The following PPM1L variants were observed in gnomAD, a reference collection of about 807,000 sequenced individuals.
The protein encoded by PPM1L is protein phosphatase 1L.
In PPM1L, 13 loss-of-function variants were observed where a neutral mutation model predicts 31.4. The ratio of observed to expected loss-of-function variants is 0.41; its 90% CI spans 0.27 to 0.66. The LOEUF (loss-of-function observed/expected upper bound fraction) is 0.66. PPM1L is among the 30% of genes least tolerant of loss of function. PPM1L has a pLI of 0.29. For synonymous variants in PPM1L, 184 were observed against 175.4 expected (o/e 1.05, Z -0.39); for missense variants, 326 against 453.7 (o/e 0.72, Z 2.56).
chr3:160,834,695 G>T (rs1299808851), intron 1 of PPM1L, among the ~76,000 whole-genome samples: 1 of 152,044 alleles, frequency 6.6e-6, no homozygotes, highest in Non-Finnish European at 1.5e-5. Flanking sequence ...TTTTGAGATT[G>T]ACTCTTTTGC....
chr3:160,968,635 G>T (rs1716228500), intron 2 of PPM1L, among the ~76,000 whole-genome samples: 1 of 152,144 alleles, frequency 6.6e-6, no homozygotes, highest in Non-Finnish European at 1.5e-5. Flanking sequence ...TTAAGGATAT[G>T]GTTTGTAATG....
intron 1 of PPM1L, among the ~76,000 whole-genome samples, chr3:160,883,041 C>G (rs1165351001): frequency 6.6e-6 from 1 of 152,178 alleles, no homozygotes; most frequent in Non-Finnish European, 1.5e-5. Flanking sequence ...ACGTAACTCC[C>G]TCATTAAATG....
Position 161,075,452 on chromosome 3 carries a change from C to T in PPM1L, c.*6295C>T, listed in dbSNP as rs1268787542. 6.6e-6 allele frequency: 1 copy of T among 152,136 alleles called. No homozygotes were observed. The highest frequency in any genetic ancestry group is 2.4e-5 in the African/African-American group (1 of 41,420). 9.4% of individuals were successfully genotyped at this position (152,136 alleles called of 1,614,324 possible). ...TTCACCATTCAAAAAATGGGCTTGT[C>T]TCTTAGAGTATTGGTTAATGCTTTG... On this transcript the variant is annotated 3_prime_UTR_variant, in exon 4 of 4. Transcript: ENST00000498165.
intron 2 of PPM1L, among the ~76,000 whole-genome samples, chr3:160,989,239 A>G (rs1330230259): frequency 6.6e-6 from 1 of 152,152 alleles, no homozygotes; most frequent in Non-Finnish European, 1.5e-5. Context: ...CTATAAAACC[A>G]ACATGATAAT....
chr3:161,008,795 G>T (rs959229464), intron 2 of PPM1L, among the ~76,000 whole-genome samples: 5 of 152,224 alleles, frequency 3.3e-5, no homozygotes, highest in African/African-American at 1.2e-4. Flanking sequence ...TTGCTGGAAT[G>T]ATATTAGGAG....
At chr3:160,857,812 C>G (rs1711764144) in intron 1 of PPM1L, among the ~76,000 whole-genome samples, 1 of 152,142 alleles carries the variant, frequency 6.6e-6, no homozygotes. Context: ...GCCCACATTC[C>G]CCAGCTAATT....
intron 1 of PPM1L, among the ~76,000 whole-genome samples, chr3:160,814,496 CATA>C (rs1712905484): frequency 7.1e-6 from 1 of 141,322 alleles, no homozygotes; most frequent in African/African-American, 2.9e-5. Flanking sequence ...CACACACACA[CATA>C]TATGTATGTG....
intron 1 of PPM1L, among the ~76,000 whole-genome samples, chr3:160,793,383 G>A (rs954593846): frequency 1.3e-5 from 2 of 152,184 alleles, no homozygotes; most frequent in Non-Finnish European, 2.9e-5. Context: ...CAGAGACAGA[G>A]TTCACTGTTG....
chr3:161,069,739 C>G lies in PPM1L; in HGVS notation c.*582C>G, dbSNP rs909627433. 1 of 153,282 alleles carries G rather than the reference C, an allele frequency of 6.5e-6. No homozygotes were observed. The highest frequency in any genetic ancestry group is 1.5e-5 in the Non-Finnish European group (1 of 68,862). The allele number at this position is 153,282 out of a possible 1,614,324, so 9.5% of individuals were successfully genotyped here. A position where few individuals can be genotyped will look rare whatever the true frequency, so the allele number is the denominator to read the frequency against. ...CTATTTTGGCTGCTCTTGGGGACTG[C>G]GAGAAGCAGAGAGAATGAGAGACCA... On this transcript the variant is annotated 3_prime_UTR_variant, in exon 4 of 4. Transcript: ENST00000498165.
At chr3:160,758,537 T>C (rs1036602171) in intron 1 of PPM1L, among the ~76,000 whole-genome samples, 20 of 152,214 alleles carry the variant, frequency 1.3e-4, no homozygotes, top group African/African-American at 4.6e-4. Flanking sequence ...GGGTTGTGGT[T>C]GTCTGGGTGT....
Position 160,897,167 on chromosome 3 carries a change from C to T in PPM1L, c.400-64569C>T, listed in dbSNP as rs141754534. On this transcript the variant is annotated intron_variant, in intron 1 of 3. Coordinates refer to ENST00000498165, the MANE Select transcript of PPM1L (RefSeq NM_139245.4). ...AAGTGATTCGCCTGCCTCAGCCTCC[C>T]GAGCAGCCAGGATTACAGGCGCCTG... Among the ~76,000 whole-genome samples the T allele has an allele frequency of 4.7e-4, 72 of 151,840 alleles. No homozygotes were observed. In the East Asian group the frequency reaches 0.011, roughly 24 times the overall value.
intron 2 of PPM1L, among the ~76,000 whole-genome samples, chr3:161,010,432 A>G (rs1231813562): frequency 6.6e-6 from 1 of 152,194 alleles, no homozygotes; most frequent in Admixed American, 6.5e-5. Flanking sequence ...ATTGTTGGAC[A>G]TTTGGGTTGG....
At chr3:160,794,408 C>A (rs571198614) in intron 1 of PPM1L, among the ~76,000 whole-genome samples, 1 of 152,228 alleles carries the variant, frequency 6.6e-6, no homozygotes, top group East Asian at 1.9e-4. Flanking sequence ...TGATAAAACT[C>A]TAGCTTCCAG....
intron 2 of PPM1L, among the ~76,000 whole-genome samples, chr3:161,064,482 T>A (rs140246015): frequency 1.0e-3 from 157 of 152,326 alleles, no homozygotes; most frequent in African/African-American, 3.6e-3. Flanking sequence ...AAGGAAACGT[T>A]AATGAAGACT....
intron 1 of PPM1L, among the ~76,000 whole-genome samples, chr3:160,877,708 C>G (rs1712565412): frequency 6.6e-6 from 1 of 152,128 alleles, no homozygotes; most frequent in Non-Finnish European, 1.5e-5. Flanking sequence ...ACAGACTGAC[C>G]TGAGGAGGTG....
At chr3:161,059,765 T>G (rs1177654737) in intron 2 of PPM1L, among the ~76,000 whole-genome samples, 1 of 152,072 alleles carries the variant, frequency 6.6e-6, no homozygotes, top group African/African-American at 2.4e-5. Flanking sequence ...TTTGTCACTG[T>G]CCTTCTTGGT....
intron 2 of PPM1L, among the ~76,000 whole-genome samples, chr3:161,000,880 A>G (rs1717459708): frequency 6.6e-6 from 1 of 152,082 alleles, no homozygotes; most frequent in Admixed American, 6.6e-5. Context: ...TCTGATTAAA[A>G]CCTCTTTAAT....
intron 2 of PPM1L, among the ~76,000 whole-genome samples, chr3:161,062,526 T>C (rs888019949): frequency 6.6e-6 from 1 of 152,240 alleles, no homozygotes; most frequent in Non-Finnish European, 1.5e-5. Flanking sequence ...CTGTTCTCAC[T>C]GCTCCCAATT....
chr3:161,006,778 G>A (rs1362682229), intron 2 of PPM1L, among the ~76,000 whole-genome samples: 5 of 150,856 alleles, frequency 3.3e-5, no homozygotes, highest in African/African-American at 9.8e-5. Flanking sequence ...CACCTCCTGC[G>A]TTCACGCCAT....
Sources: gnomAD v4.1 joint callset for allele counts (sites outside exome capture counted in the v4.1 genomes callset) on GRCh38, gnomAD v4.1.1 for gene constraint, MANE v1.5 for transcripts, NCBI Gene and HGNC (gene_info 2026-07-23, HGNC 2026-07-21) for gene names.